Variants in PRKCE observed in about 807,000 individuals in gnomAD.
PRKCE encodes the protein protein kinase C epsilon.
A neutral mutation model predicts 85.4 loss-of-function variants in PRKCE; 16 were observed. That is an observed-to-expected ratio of 0.19 (90% CI 0.13 to 0.28). The LOEUF (loss-of-function observed/expected upper bound fraction) is 0.28, where lower values mean the gene tolerates loss of function less well. Ranked by LOEUF, PRKCE falls within the 10% of genes least tolerant of loss-of-function variation. The probability of loss-of-function intolerance (pLI) is 1.00; values close to 1 mark genes in which losing one functional copy is unlikely to be tolerated. For synonymous variants in PRKCE, 388 were observed against 371.5 expected, an observed-to-expected ratio of 1.04 and a Z score of -0.51; for missense variants, 573 against 975.2, an observed-to-expected ratio of 0.59 and a Z score of 5.49.
intron 1 of PRKCE, among the ~76,000 whole-genome samples, chr2:45,707,677 A>G (rs1679227523): frequency 6.6e-6 from 1 of 152,102 alleles, no homozygotes; most frequent in Non-Finnish European, 1.5e-5. Flanking sequence ...GCACTGGGGG[A>G]GGGAGAACAT....
intron 2 of PRKCE, among the ~76,000 whole-genome samples, chr2:45,964,323 G>A (rs1701590416): frequency 6.6e-6 from 1 of 152,194 alleles, no homozygotes; most frequent in Non-Finnish European, 1.5e-5. Context: ...TGGCCTCATG[G>A]AACGTGAGCT....
At chr2:45,741,244 T>C (rs574244179) in intron 1 of PRKCE, among the ~76,000 whole-genome samples, 56 of 152,298 alleles carry the variant, frequency 3.7e-4, no homozygotes, top group Non-Finnish European at 7.4e-4. Context: ...TGTTCAGCAA[T>C]GAGGGGATAT....
chr2:45,657,175 G>A (rs1211081512), intron 1 of PRKCE, among the ~76,000 whole-genome samples: 1 of 152,146 alleles, frequency 6.6e-6, no homozygotes, highest in East Asian at 1.9e-4. Flanking sequence ...CATCTTTGGC[G>A]AATGTCACTC....
At chr2:46,024,271 G>A (rs1706920700) in intron 10 of PRKCE, among the ~76,000 whole-genome samples, 1 of 151,912 alleles carries the variant, frequency 6.6e-6, no homozygotes. Context: ...AGCAACTGAT[G>A]GAAAAACAGA....
At chr2:45,914,922 A>T (rs1697652568) in intron 2 of PRKCE, among the ~76,000 whole-genome samples, 1 of 152,218 alleles carries the variant, frequency 6.6e-6, no homozygotes, top group Admixed American at 6.5e-5. Flanking sequence ...TCCTTTTGCT[A>T]GAACTTTCCA....
intron 2 of PRKCE, among the ~76,000 whole-genome samples, chr2:45,970,449 G>C (rs537067575): frequency 8.1e-4 from 123 of 152,206 alleles, no homozygotes; most frequent in African/African-American, 2.9e-3. Flanking sequence ...AACTAATTGG[G>C]AGGAAACAAT....
At chr2:45,891,391 G>C (rs116606054) in intron 2 of PRKCE, among the ~76,000 whole-genome samples, 53 of 152,260 alleles carry the variant, frequency 3.5e-4, no homozygotes, top group African/African-American at 1.2e-3. Context: ...AGCACACCCT[G>C]CCATGCCACA....
At chr2:46,046,019 G>A (rs1374715638) in intron 10 of PRKCE, among the ~76,000 whole-genome samples, 1 of 152,236 alleles carries the variant, frequency 6.6e-6, no homozygotes, top group Non-Finnish European at 1.5e-5. Context: ...CAAAGACAAT[G>A]GCTGGAAGGA....
At chr2:45,739,888 T>C (rs1682407384) in intron 1 of PRKCE, among the ~76,000 whole-genome samples, 1 of 152,232 alleles carries the variant, frequency 6.6e-6, no homozygotes, top group Non-Finnish European at 1.5e-5. Flanking sequence ...AAATCCTCTT[T>C]AGGCCTGTTT....
At chr2:45,713,687 G>A (rs939183133) in intron 1 of PRKCE, among the ~76,000 whole-genome samples, 7 of 152,172 alleles carry the variant, frequency 4.6e-5, no homozygotes, top group Admixed American at 1.3e-4. Flanking sequence ...GAAGGGGGAA[G>A]GCAGAAAAGC....
intron 6 of PRKCE, among the ~76,000 whole-genome samples, chr2:45,995,349 G>C (rs1289775180): frequency 2.0e-5 from 3 of 151,936 alleles, no homozygotes; most frequent in Non-Finnish European, 4.4e-5. Flanking sequence ...TTATTTTAAT[G>C]AAGTTCAGCT....
chr2:46,001,344 A>T lies in PRKCE; in HGVS notation c.824-60A>T. On this transcript the variant is annotated intron_variant, in intron 6 of 14. Transcript: ENST00000306156. The surrounding 1 kb of genome is among the most constrained non-coding windows in gnomAD (Gnocchi z 4.4). The stretch of plus-strand genomic sequence containing the variant: ...TGAACATATAATACAATCTCAAAGA[A>T]AAGAAGCAACATCTTAGGCCATGAA... 1 of 1,505,296 alleles carries T rather than the reference A, an allele frequency of 6.6e-7. No individual in the cohort carries two copies. The highest frequency in any genetic ancestry group is 1.4e-5 in the African/African-American group (1 of 71,868). The allele number at this position is 1,505,296 out of a possible 1,614,324, so 93.2% of individuals were successfully genotyped here.
At chr2:45,912,338 C>T (rs13025740) in intron 2 of PRKCE, among the ~76,000 whole-genome samples, 36,339 of 152,124 alleles carry the variant, frequency 0.24, 5,435 homozygotes, top group South Asian at 0.38. Context: ...TCTGCAGCTG[C>T]AGGGCCTGGG....
At chr2:45,937,461 C>G (rs913622528) in intron 2 of PRKCE, among the ~76,000 whole-genome samples, 11 of 152,184 alleles carry the variant, frequency 7.2e-5, no homozygotes, top group African/African-American at 2.2e-4. Flanking sequence ...GCCTGTAATC[C>G]CAGCACTTTG....
In PRKCE at chr2:45,652,054, C is replaced by A. The variant is rs773211026; in HGVS notation, c.-47C>A. 2 of 1,447,468 alleles carry A rather than the reference C, an allele frequency of 1.4e-6. No individual in the cohort carries two copies. The highest frequency in any genetic ancestry group is 1.3e-5 in the South Asian group (1 of 74,304). 89.7% of individuals were successfully genotyped at this position (1,447,468 alleles called of 1,614,324 possible). On this transcript the variant is annotated 5_prime_UTR_variant, in exon 1 of 15. Coordinates refer to ENST00000306156, the MANE Select transcript of PRKCE (RefSeq NM_005400.3). This position sits in a 1 kb window ranked among gnomAD's most constrained non-coding sequence, Gnocchi z 7.7. ...CGGGCCGTCGGTTCTTCATTCCTGCCCTCGGGGCAGACGGAGTGACCCCGG... is the reference window on the plus strand; with the variant it reads ...CGGGCCGTCGGTTCTTCATTCCTGCACTCGGGGCAGACGGAGTGACCCCGG...
chr2:45,705,981 G>A (rs967074433), intron 1 of PRKCE, among the ~76,000 whole-genome samples: 45 of 152,158 alleles, frequency 3.0e-4, no homozygotes, highest in African/African-American at 1.1e-3. Context: ...TCTGTGTCTG[G>A]CTCTGTTCCC....
chr2:45,874,919 A>G (rs1297300474), intron 2 of PRKCE, among the ~76,000 whole-genome samples: 2 of 152,114 alleles, frequency 1.3e-5, no homozygotes, highest in African/African-American at 2.4e-5. Context: ...GCTTACGTCT[A>G]TTTGGCCTAC....
At chr2:46,074,428 C>CCAAAAAAAAAAAAAAAAAAAAAAAAACAA (rs1558423487) in intron 10 of PRKCE, among the ~76,000 whole-genome samples, 1 of 26,692 alleles carries the variant, frequency 3.7e-5, no homozygotes, top group African/African-American at 1.3e-4. Flanking sequence ...ACAACAACAA[C>CCAAAAAAAAAAAAAAAAAAAAAAAAACAA]CAAAAAAAAA....
chr2:45,786,887 C>G lies in PRKCE; in HGVS notation c.349-56113C>G, dbSNP rs1686640366. Among the ~76,000 whole-genome samples, 1 of 152,202 alleles carries G rather than the reference C, an allele frequency of 6.6e-6. No homozygotes were observed. Among genetic ancestry groups the G allele is most frequent in the Non-Finnish European group, 1.5e-5 (1 of 68,034 alleles). ...ACATGGCAATAGTAGAGATGCGATT[C>G]AAACCCTAGGGAATACGATTCCAGA... On this transcript the variant is annotated intron_variant, in intron 1 of 14. Coordinates refer to ENST00000306156, the MANE Select transcript of PRKCE (RefSeq NM_005400.3). The surrounding 1 kb of genome is among the most constrained non-coding windows in gnomAD (Gnocchi z 5.3).
Sources: allele counts gnomAD v4.1 joint callset (sites outside exome capture counted in the v4.1 genomes callset), GRCh38; gene constraint gnomAD v4.1.1; non-coding constraint Gnocchi (gnomAD v3.1); transcripts MANE v1.5; gene names NCBI Gene and HGNC (gene_info 2026-07-23, HGNC 2026-07-21).